SLC8A3: variants seen among roughly 807,000 people sequenced by gnomAD.
The protein encoded by SLC8A3 is solute carrier family 8 member A3.
In SLC8A3, 37 loss-of-function variants were observed where a neutral mutation model predicts 65.4. The ratio of observed to expected loss-of-function variants is 0.57; its 90% CI spans 0.44 to 0.74. SLC8A3 has a LOEUF of 0.74. SLC8A3 is among the 30% of genes least tolerant of loss of function. The pLI, the probability that SLC8A3 is intolerant of heterozygous loss-of-function variation, is 0.00. For synonymous variants in SLC8A3, 461 were observed against 444.5 expected, an observed-to-expected ratio of 1.04 and a Z score of -0.47; for missense variants, 1,112 against 1,172.1, an observed-to-expected ratio of 0.95 and a Z score of 0.75.
intron 2 of SLC8A3, among the ~76,000 whole-genome samples, chr14:70,104,071 C>T (rs899486144): frequency 1.3e-5 from 2 of 151,970 alleles, no homozygotes; most frequent in African/African-American, 4.8e-5. Context: ...GGAACCAATT[C>T]ATCAGGAAGA....
intron 2 of SLC8A3, among the ~76,000 whole-genome samples, chr14:70,065,182 T>C (rs150953): frequency 0.1 from 15,203 of 152,216 alleles, 918 homozygotes; most frequent in African/African-American, 0.16. Flanking sequence ...TAGGAATCTT[T>C]ACATTCTAAA....
chr14:70,085,436 A>T (rs1413085816), intron 2 of SLC8A3, among the ~76,000 whole-genome samples: 1 of 152,128 alleles, frequency 6.6e-6, no homozygotes, highest in Non-Finnish European at 1.5e-5. Flanking sequence ...CTGGATAGCA[A>T]TGTTTGCAGT....
chr14:70,054,204 ACT>A (rs773049799), intron 3 of SLC8A3, among the ~76,000 whole-genome samples: 47 of 147,184 alleles, frequency 3.2e-4, no homozygotes, highest in Non-Finnish European at 6.0e-4. Context: ...TGTTGTGAAC[ACT>A]CTGCAGAGTG....
intron 2 of SLC8A3, among the ~76,000 whole-genome samples, chr14:70,103,895 T>A (rs1892690324): frequency 6.6e-6 from 1 of 152,024 alleles, no homozygotes; most frequent in African/African-American, 2.4e-5. Context: ...AGACATGGAC[T>A]TAAGTATAAA....
chr14:70,094,828 C>T lies in SLC8A3; in HGVS notation c.1785-33889G>A, dbSNP rs556293928. Among the ~76,000 whole-genome samples the T allele has an allele frequency of 6.6e-5, 10 of 152,340 alleles. No individual in the cohort carries two copies. The East Asian group carries it at 1.9e-3, about 29-fold the overall frequency. The stretch of plus-strand genomic sequence containing the variant: ...GCCAGGGCTGCTTATGTTTTCAAAG[C>T]ACTTTCTCTTCTTTTATCTGTTTTT... On this transcript the variant is annotated intron_variant, in intron 2 of 6. Transcript: ENST00000356921.
intron 3 of SLC8A3, chr14:70,060,358 T>G: frequency 7.3e-6 from 2 of 272,214 alleles, no homozygotes; most frequent in Non-Finnish European, 1.4e-5. Context: ...GAGTGAGGGG[T>G]GGCAGGGGAG....
chr14:70,089,733 T>C (rs1345852507), intron 2 of SLC8A3, among the ~76,000 whole-genome samples: 1 of 152,228 alleles, frequency 6.6e-6, no homozygotes, highest in African/African-American at 2.4e-5. Flanking sequence ...GTCGAGCCAT[T>C]GTGACTTCCG....
At chr14:70,054,449 C>A (rs1388504347) in intron 3 of SLC8A3, among the ~76,000 whole-genome samples, 1 of 150,550 alleles carries the variant, frequency 6.6e-6, no homozygotes, top group Non-Finnish European at 1.5e-5. Context: ...TTGATGTTTG[C>A]AAATATGTTA....
At chr14:70,082,580 T>C (rs1891129087) in intron 2 of SLC8A3, among the ~76,000 whole-genome samples, 1 of 152,204 alleles carries the variant, frequency 6.6e-6, no homozygotes, top group African/African-American at 2.4e-5. Context: ...GCCCTCTTCC[T>C]CTTCCGAACC....
intron 2 of SLC8A3, among the ~76,000 whole-genome samples, chr14:70,145,505 C>A (rs1227459463): frequency 6.6e-6 from 1 of 152,110 alleles, no homozygotes; most frequent in African/African-American, 2.4e-5. Context: ...AAATAGAAGC[C>A]CTGGCCCCCT....
chr14:70,107,478 T>C (rs1005594601), intron 2 of SLC8A3, among the ~76,000 whole-genome samples: 1 of 152,098 alleles, frequency 6.6e-6, no homozygotes, highest in African/African-American at 2.4e-5. Flanking sequence ...TCAGTCTCAC[T>C]GTAGGGAGAC....
chr14:70,081,454 G>T, intron 2 of SLC8A3, among the ~76,000 whole-genome samples: 1 of 152,324 alleles, frequency 6.6e-6, no homozygotes, highest in Admixed American at 6.5e-5. Context: ...GATTCCTCGA[G>T]CTCATTTTTA....
At chr14:70,158,433 G>A (rs1594778366) in intron 2 of SLC8A3, among the ~76,000 whole-genome samples, 1 of 152,220 alleles carries the variant, frequency 6.6e-6, no homozygotes. Context: ...CTGGTATGGA[G>A]AGATGGCAGT....
intron 2 of SLC8A3, among the ~76,000 whole-genome samples, chr14:70,076,443 T>TTGAATGAATGC (rs1435723817): frequency 1.3e-5 from 2 of 152,230 alleles, no homozygotes; most frequent in African/African-American, 4.8e-5. Flanking sequence ...TATATATTTG[T>TTGAATGAATGC]TGAATGAATG....
chr14:70,051,970 G>A lies in SLC8A3; in HGVS notation c.2013+20C>T. ...CTTTAATTTATTTATTATTCAATTAGACCTCACTGTTTGCCTGACCTTGAA... is the reference window on the plus strand; with the variant it reads ...CTTTAATTTATTTATTATTCAATTAAACCTCACTGTTTGCCTGACCTTGAA... On this transcript the variant is annotated intron_variant, in intron 4 of 6. Coordinates refer to ENST00000356921, the MANE Select transcript of SLC8A3 (RefSeq NM_182932.3). 2 of 1,606,252 alleles carry A rather than the reference G, an allele frequency of 1.2e-6. No homozygotes were observed. Among genetic ancestry groups the A allele is most frequent in the South Asian group, 2.2e-5 (2 of 90,784 alleles).
chr14:70,099,924 T>G (rs570525001), intron 2 of SLC8A3, among the ~76,000 whole-genome samples: 1 of 152,264 alleles, frequency 6.6e-6, no homozygotes, highest in African/African-American at 2.4e-5. Flanking sequence ...TGGTCCATTA[T>G]GCACGAGACC....
At chr14:70,157,742 G>A (rs1049416940) in intron 2 of SLC8A3, among the ~76,000 whole-genome samples, 12 of 152,182 alleles carry the variant, frequency 7.9e-5, no homozygotes, top group Admixed American at 2.0e-4. Flanking sequence ...AATCTGTGCT[G>A]CATCCTTACA....
chr14:70,162,804 C>T (rs1474825071), intron 2 of SLC8A3, among the ~76,000 whole-genome samples: 1 of 152,068 alleles, frequency 6.6e-6, no homozygotes, highest in East Asian at 1.9e-4. Context: ...CAATAATATC[C>T]CTCTTAAATG....
chr14:70,151,261 G>GA (rs57192683), intron 2 of SLC8A3, among the ~76,000 whole-genome samples: 3,404 of 125,356 alleles, frequency 0.027, 55 homozygotes, highest in Middle Eastern at 0.067. Flanking sequence ...CTCAAAAAAA[G>GA]AAAAAAAAAA....
Sources: gnomAD v4.1 joint callset for allele counts (sites outside exome capture counted in the v4.1 genomes callset) on GRCh38, gnomAD v4.1.1 for gene constraint, MANE v1.5 for transcripts, NCBI Gene and HGNC (gene_info 2026-07-23, HGNC 2026-07-21) for gene names.